Variants in SLC16A12 observed in about 807,000 individuals in gnomAD.
SLC16A12 encodes the protein monocarboxylate transporter 12.
A neutral mutation model predicts 42.4 loss-of-function variants in SLC16A12; 17 were observed. The ratio of observed to expected loss-of-function variants is 0.40; its 90% CI spans 0.27 to 0.60. The LOEUF (loss-of-function observed/expected upper bound fraction) is 0.60, where lower values mean the gene tolerates loss of function less well. SLC16A12 is among the 20% of genes least tolerant of loss of function. The pLI is 0.42. For synonymous variants in SLC16A12, 224 were observed against 229.4 expected (o/e 0.98, Z 0.21); for missense variants, 544 against 623.0 (o/e 0.87, Z 1.35).
At chr10:89,529,882 A>G (rs1383387361) in intron 2 of SLC16A12, among the ~76,000 whole-genome samples, 1 of 152,138 alleles carries the variant, frequency 6.6e-6, no homozygotes, top group Non-Finnish European at 1.5e-5. Context: ...TGCTATATCT[A>G]TAAGAGGCTC....
intron 2 of SLC16A12, among the ~76,000 whole-genome samples, chr10:89,490,498 T>A (rs901792490): frequency 6.6e-6 from 1 of 152,182 alleles, no homozygotes; most frequent in Admixed American, 6.5e-5. Flanking sequence ...AATACTTTGC[T>A]TTAATTACTC....
chr10:89,518,321 C>T (rs1168549689), intron 2 of SLC16A12, among the ~76,000 whole-genome samples: 1 of 152,186 alleles, frequency 6.6e-6, no homozygotes, highest in African/African-American at 2.4e-5. Context: ...TCAGTGTGTC[C>T]TGGTCCCCAG....
intron 2 of SLC16A12, among the ~76,000 whole-genome samples, chr10:89,483,172 G>A (rs1208263637): frequency 2.0e-5 from 3 of 152,122 alleles, no homozygotes; most frequent in African/African-American, 7.2e-5. Flanking sequence ...AGGAGAGGGG[G>A]TGTGAGTTCT....
chr10:89,463,978 C>A (rs576012789), intron 2 of SLC16A12, among the ~76,000 whole-genome samples: 1 of 152,260 alleles, frequency 6.6e-6, no homozygotes, highest in East Asian at 1.9e-4. Context: ...CAGAATATGG[C>A]ACCTGTGATG....
chr10:89,541,649 A>T (rs1479015429), intron 2 of SLC16A12, among the ~76,000 whole-genome samples: 1 of 152,234 alleles, frequency 6.6e-6, no homozygotes, highest in African/African-American at 2.4e-5. Flanking sequence ...TGTGCTAATT[A>T]GGTTAGACCC....
At chr10:89,524,764 G>C (rs939460589) in intron 2 of SLC16A12, among the ~76,000 whole-genome samples, 1 of 152,170 alleles carries the variant, frequency 6.6e-6, no homozygotes, top group African/African-American at 2.4e-5. Context: ...CTAACACATG[G>C]CAGGGCCTCA....
chr10:89,473,784 A>T (rs776326464), intron 2 of SLC16A12, among the ~76,000 whole-genome samples: 22 of 152,008 alleles, frequency 1.4e-4, no homozygotes, highest in Non-Finnish European at 2.8e-4. Flanking sequence ...CTACACACTC[A>T]CTCCTGTCTC....
intron 3 of SLC16A12, among the ~76,000 whole-genome samples, chr10:89,447,647 A>G (rs557713452): frequency 6.6e-6 from 1 of 152,368 alleles, no homozygotes; most frequent in African/African-American, 2.4e-5. Flanking sequence ...TGCCCACAAG[A>G]GAAAGCAGGA....
chr10:89,438,971 C>T lies in SLC16A12; in HGVS notation c.661G>A (p.Gly221Ser). The T allele has an allele frequency of 6.2e-7, 1 of 1,614,088 alleles. No individual in the cohort carries two copies. The highest frequency in any genetic ancestry group is 8.5e-7 in the Non-Finnish European group (1 of 1,180,016). The change falls in exon 6 of 8, where the codon GGT becomes AGT. Residue 221 changes from glycine (G) to serine (S), a missense_variant. By Grantham distance (56) the Gly-to-Ser change is moderately conservative. Transcript: ENST00000371790. ...AGAGTAATTGGCCTCATCAAGGCAC[C>T]ACATACACAGAGATTCAAGACAAAG... Reference protein sequence around the residue: ...GGFVLNLCVCGALMRPITLKE... With the variant: ...GGFVLNLCVCSALMRPITLKE...
At chr10:89,552,940 T>C (rs1017802932) in intron 2 of SLC16A12, among the ~76,000 whole-genome samples, 5 of 152,210 alleles carry the variant, frequency 3.3e-5, no homozygotes, top group East Asian at 1.9e-4. Context: ...TTGAAATGCA[T>C]TGGACTCAGA....
chr10:89,521,078 C>T (rs1843344475), intron 2 of SLC16A12, among the ~76,000 whole-genome samples: 1 of 152,196 alleles, frequency 6.6e-6, no homozygotes, highest in Admixed American at 6.5e-5. Context: ...AAAACTGAGG[C>T]TCATGGAAGG....
intron 2 of SLC16A12, among the ~76,000 whole-genome samples, chr10:89,522,389 G>A (rs990258096): frequency 6.6e-6 from 1 of 151,974 alleles, no homozygotes; most frequent in African/African-American, 2.4e-5. Flanking sequence ...AGACCTCATG[G>A]TCCATCACTT....
chr10:89,550,286 C>T (rs1371642969), intron 2 of SLC16A12, among the ~76,000 whole-genome samples: 1 of 152,088 alleles, frequency 6.6e-6, no homozygotes, highest in African/African-American at 2.4e-5. Context: ...TTTGCGGGGC[C>T]GAGGCAGGAG....
upstream of SLC16A12, among the ~76,000 whole-genome samples, chr10:89,537,107 T>C (rs1168228722): frequency 6.6e-6 from 1 of 150,710 alleles, no homozygotes; most frequent in African/African-American, 2.4e-5. Flanking sequence ...TGATGAACAG[T>C]AGGGAGCATT....
At chr10:89,458,229 G>A (rs922701829) in intron 3 of SLC16A12, among the ~76,000 whole-genome samples, 2 of 152,140 alleles carry the variant, frequency 1.3e-5, no homozygotes, top group African/African-American at 2.4e-5. Context: ...TCCAATATGC[G>A]TTAGCCCATA....
chr10:89,453,673 T>G (rs1377285686), intron 3 of SLC16A12, among the ~76,000 whole-genome samples: 7 of 152,192 alleles, frequency 4.6e-5, no homozygotes, highest in Non-Finnish European at 2.9e-5. Context: ...CTCTATGATG[T>G]TCACATGACA....
At chr10:89,493,987 A>G (rs1842885422) in intron 2 of SLC16A12, among the ~76,000 whole-genome samples, 1 of 152,216 alleles carries the variant, frequency 6.6e-6, no homozygotes, top group South Asian at 2.1e-4. Flanking sequence ...AATACATATT[A>G]GAAATAAAGA....
At chr10:89,449,829 G>A (rs1475697385) in intron 3 of SLC16A12, among the ~76,000 whole-genome samples, 2 of 152,174 alleles carry the variant, frequency 1.3e-5, no homozygotes, top group Non-Finnish European at 2.9e-5. Flanking sequence ...GCAACCTGCA[G>A]AATGTGAGAA....
intron 2 of SLC16A12, among the ~76,000 whole-genome samples, chr10:89,502,454 A>G (rs1387329208): frequency 2.0e-5 from 3 of 152,120 alleles, no homozygotes; most frequent in Non-Finnish European, 4.4e-5. Flanking sequence ...CAAAAAAACA[A>G]AAAACAAAAA....
Sources: allele counts gnomAD v4.1 joint callset (sites outside exome capture counted in the v4.1 genomes callset), GRCh38; gene constraint gnomAD v4.1.1; transcripts MANE v1.5; gene names NCBI Gene and HGNC (gene_info 2026-07-23, HGNC 2026-07-21).